Variants in IL1R1 observed in about 807,000 individuals in gnomAD.
The protein encoded by IL1R1 is interleukin 1 receptor type 1.
In IL1R1, 22 loss-of-function variants were observed where a neutral mutation model predicts 50.2. That is an observed-to-expected ratio of 0.44 (90% CI 0.31 to 0.63). The LOEUF is 0.63. IL1R1 is among the 20% of genes least tolerant of loss of function. The pLI is 0.07. For synonymous variants in IL1R1, 251 were observed against 236.7 expected (o/e 1.06, Z -0.55); for missense variants, 509 against 676.2 (o/e 0.75, Z 2.74).
chr2:102,168,127 T>G (rs1685360780), intron 6 of IL1R1, among the ~76,000 whole-genome samples: 1 of 152,190 alleles, frequency 6.6e-6, no homozygotes, highest in Non-Finnish European at 1.5e-5. Flanking sequence ...TGATACTTTT[T>G]TGCCTATTTT....
intron 1 of IL1R1, among the ~76,000 whole-genome samples, chr2:102,109,871 C>T (rs193246361): frequency 2.3e-3 from 354 of 152,288 alleles, no homozygotes; most frequent in South Asian, 4.2e-3. Flanking sequence ...GGGCCAAGGG[C>T]GGCTTCGTTT....
chr2:102,126,624 G>A (rs551803197), intron 1 of IL1R1, among the ~76,000 whole-genome samples: 51 of 149,014 alleles, frequency 3.4e-4, no homozygotes, highest in Non-Finnish European at 6.4e-4. Context: ...AGGACAATTT[G>A]TTGTGCTGTG....
At chr2:102,075,467 A>C (rs1678918739) in intron 1 of IL1R1, among the ~76,000 whole-genome samples, 1 of 152,228 alleles carries the variant, frequency 6.6e-6, no homozygotes, top group South Asian at 2.1e-4. Flanking sequence ...AAGAGAAATA[A>C]AATTTAAATG....
At chr2:102,164,722 A>T (rs1685023687) in intron 3 of IL1R1, 52 bp from the exon 4 acceptor site, 2 of 1,192,060 alleles carry the variant, frequency 1.7e-6, no homozygotes, top group Non-Finnish European at 2.5e-6. Flanking sequence ...TTAAATCAAG[A>T]CACACTGGCA....
rs3917272 is a variant in IL1R1, at chr2:102,163,160, T to C, written c.62-1614T>C. Among the ~76,000 whole-genome samples, 1,481 of 152,318 alleles carry C rather than the reference T, an allele frequency of 9.7e-3. 21 individuals are homozygous for C. Among genetic ancestry groups the C allele is most frequent in the African/African-American group, 0.032 (1,332 of 41,572 alleles). On this transcript the variant is annotated intron_variant, in intron 3 of 11. Transcript: ENST00000410023. Reference sequence around the variant, plus strand: ...AATAATTGTGTCATTTCTCCCGGGCTACATAGAAGATTTTATCTTTGTCAC... The same window carrying C: ...AATAATTGTGTCATTTCTCCCGGGCCACATAGAAGATTTTATCTTTGTCAC...
chr2:102,125,007 TCAG>T lies in IL1R1; in HGVS notation c.-84+20136_-84+20138del, dbSNP rs202161211. ...ACCGCCATAATCCAATCACCTCCCA[TCAG>T]GTTCCTCCCTTGACACATGGAGATT... is the stretch of plus-strand genomic sequence containing the variant. On this transcript the variant is annotated intron_variant, in intron 1 of 10. Coordinates refer to the IL1R1 transcript ENST00000409329. Among the ~76,000 whole-genome samples, 1,131 of 152,276 alleles carry T rather than the reference TCAG, an allele frequency of 7.4e-3. 12 individuals are homozygous for T. The highest frequency in any genetic ancestry group is 0.025 in the African/African-American group (1,048 of 41,548).
At chr2:102,153,552 A>C (rs900795481) in intron 1 of IL1R1, among the ~76,000 whole-genome samples, 4 of 152,098 alleles carry the variant, frequency 2.6e-5, no homozygotes, top group Non-Finnish European at 2.9e-5. Context: ...CTAAATTATA[A>C]TCCCCATGTG....
chr2:102,126,601 T>C (rs1017699493), intron 1 of IL1R1, among the ~76,000 whole-genome samples: 2 of 152,140 alleles, frequency 1.3e-5, no homozygotes, highest in African/African-American at 2.4e-5. Flanking sequence ...TTTTTTTTTT[T>C]TTTTAAGGAT....
chr2:102,110,578 T>C (rs1680700481), intron 1 of IL1R1, among the ~76,000 whole-genome samples: 1 of 151,194 alleles, frequency 6.6e-6, no homozygotes, highest in Admixed American at 6.6e-5. Context: ...GCAAACTTAG[T>C]AAGTTTTCTA....
chr2:102,141,353 C>G (rs939957040), upstream of IL1R1, among the ~76,000 whole-genome samples: 1 of 152,204 alleles, frequency 6.6e-6, no homozygotes, highest in African/African-American at 2.4e-5. Context: ...TCCGGTGATT[C>G]TGAGTGGAGT....
At position 102,175,122 on chromosome 2, in the gene IL1R1, A is replaced by G. The variant is rs548400712; in HGVS notation, c.1136-356A>G. On this transcript the variant is annotated intron_variant, in intron 10 of 11. Coordinates refer to ENST00000410023, the MANE Select transcript of IL1R1 (RefSeq NM_000877.4). Reference sequence around the variant, plus strand: ...CTCTCTCCTTTGTTTAAACTTTGCGAAAAAAAAAAAAGGAATACCACAATA... The same window carrying G: ...CTCTCTCCTTTGTTTAAACTTTGCGGAAAAAAAAAAAGGAATACCACAATA... Among the ~76,000 whole-genome samples, 36 of 119,924 alleles carry G rather than the reference A, an allele frequency of 3.0e-4. 2 individuals carry two copies. Among genetic ancestry groups the G allele is most frequent in the East Asian group, 1.4e-3 (7 of 4,878 alleles). The allele number at this position is 119,924 out of a possible 152,430, so 78.7% of individuals were successfully genotyped here.
chr2:102,164,677 A>G (rs1397873975), intron 3 of IL1R1, 97 bp from the exon 4 acceptor site: 5 of 737,716 alleles, frequency 6.8e-6, no homozygotes, highest in Non-Finnish European at 6.8e-6. Flanking sequence ...ATGTGAATTG[A>G]TGTATTTAAT....
chr2:102,095,889 G>C (rs1290884528), intron 1 of IL1R1, among the ~76,000 whole-genome samples: 8 of 152,088 alleles, frequency 5.3e-5, no homozygotes. Flanking sequence ...TGTAATCCCA[G>C]CTACTCGGGA....
upstream of IL1R1, among the ~76,000 whole-genome samples, chr2:102,102,489 A>T (rs1680184343): frequency 6.6e-6 from 1 of 152,186 alleles, no homozygotes; most frequent in South Asian, 2.1e-4. Flanking sequence ...AATGGCTATT[A>T]CTAAAAAGTC....
At position 102,132,278 on chromosome 2, in the gene IL1R1, A is replaced by G. The variant is rs553523498; in HGVS notation, c.-83-21663A>G. 7.2e-5 allele frequency among the ~76,000 whole-genome samples: 11 copies of G among 152,058 alleles called. 1 individual carries two copies. The South Asian group carries it at 1.2e-3, about 17-fold the overall frequency. On this transcript the variant is annotated intron_variant, in intron 1 of 10. Transcript: ENST00000409329. ...CCAGAAATGCCAAATTATTATTTAA[A>G]TGACTTTAAATGAAAATTATTTAAA...
At chr2:102,176,076 C>T in intron 11 of IL1R1, 1 of 458,870 alleles carries the variant, frequency 2.2e-6, no homozygotes, top group South Asian at 2.9e-5. Flanking sequence ...CTCAGTACAA[C>T]CCTGGGAGGC....
At chr2:102,108,123 G>T (rs1680521975) in intron 1 of IL1R1, among the ~76,000 whole-genome samples, 1 of 152,088 alleles carries the variant, frequency 6.6e-6, no homozygotes, top group South Asian at 2.1e-4. Context: ...CTAAAGTTTA[G>T]TGATAAATCT....
At chr2:102,136,677 G>T (rs1018594870) in intron 1 of IL1R1, among the ~76,000 whole-genome samples, 2 of 152,136 alleles carry the variant, frequency 1.3e-5, no homozygotes, top group Non-Finnish European at 2.9e-5. Flanking sequence ...TGCCCGGCTG[G>T]ATAACAGTAA....
Position 102,166,130 on chromosome 2 carries a change from T to C in IL1R1, c.504T>C (p.Leu168=). Residue 168 remains leucine (L), a synonymous_variant, in exon 6 of 12, where the codon CTT becomes CTC. Transcript: ENST00000410023. ...LQWYKDCKPL[L]LDNIHFSGVK... is the part of the protein sequence containing the mutation. ...TTATCTAGGATTGCAAACCTCTACT[T>C]CTTGACAATATACACTTTAGTGGAG... 6.2e-7 allele frequency: 1 copy of C among 1,613,386 alleles called. No individual in the cohort carries two copies. Among genetic ancestry groups the C allele is most frequent in the Non-Finnish European group, 8.5e-7 (1 of 1,179,530 alleles).
Sources: gnomAD v4.1 joint callset for allele counts (sites outside exome capture counted in the v4.1 genomes callset) on GRCh38, gnomAD v4.1.1 for gene constraint, MANE v1.5 for transcripts, NCBI Gene and HGNC (gene_info 2026-07-23, HGNC 2026-07-21) for gene names.